The following B3GNT6 variants were observed in gnomAD, a reference collection of about 807,000 sequenced individuals.
The protein encoded by B3GNT6 is acetylgalactosaminyl-O-glycosyl-glycoprotein beta-1,3-N-acetylglucosaminyltransferase.
For missense variants in B3GNT6, 624 were observed against 568.6 expected, an observed-to-expected ratio of 1.10 and a Z score of -0.99; for synonymous variants, 300 against 270.0, an observed-to-expected ratio of 1.11 and a Z score of -1.09.
In B3GNT6 at chr11:77,036,068, A is replaced by T. The variant is rs568653563; in HGVS notation, c.-1+1590A>T. ...AAATGAGGATATTGAAACCTAGGAG[A>T]TTAACTCAGGAAAGAAGCTGGGGCT... On this transcript the variant is annotated intron_variant, in intron 1 of 1. Transcript: ENST00000622824. Among the ~76,000 whole-genome samples the T allele has an allele frequency of 2.0e-5, 3 of 152,320 alleles. No individual in the cohort carries two copies. In the East Asian group the frequency reaches 5.8e-4, roughly 29 times the overall value.
rs782251537 is a variant in B3GNT6 at position 77,040,542 on chromosome 11, C to T, written c.991C>T (p.Pro331Ser). The change falls in exon 2 of 2, where the codon CCC becomes TCC. Residue 331 changes from proline (P) to serine (S), a missense_variant. Pro to Ser is a moderately conservative substitution (Grantham distance 74, BLOSUM62 -1). Transcript: ENST00000622824. ...LAPSGHEGIR[P>S]FGVQLPGAQQ... Reference sequence around the variant, plus strand: ...GCCCAGCGGCCACGAGGGCATCCGACCCTTCGGCGTGCAGCTGCCTGGCGC... The same window carrying T: ...GCCCAGCGGCCACGAGGGCATCCGATCCTTCGGCGTGCAGCTGCCTGGCGC... The T allele has an allele frequency of 5.7e-6, 9 of 1,574,912 alleles. No homozygotes were observed. The highest frequency in any genetic ancestry group is 7.7e-6 in the Non-Finnish European group (9 of 1,168,006).
Position 77,040,687 on chromosome 11 carries a change from G to C in B3GNT6, c.1136G>C (p.Arg379Pro), listed in dbSNP as rs782053075. Residue 379 changes from arginine (R) to proline (P), a missense_variant, in exon 2 of 2, where the codon CGG (arginine) becomes CCG (proline). By Grantham distance (103) the Arg-to-Pro change is moderately radical (BLOSUM62 -2). Coordinates refer to ENST00000622824, the MANE Select transcript of B3GNT6 (RefSeq NM_138706.5). ...ALHSPALSCD[R>P]GHRVS Reference sequence around the variant, plus strand: ...CACAGCCCCGCGCTCAGCTGTGACCGGGGACACCGGGTCTCCTGAGGCCAG... The same window carrying C: ...CACAGCCCCGCGCTCAGCTGTGACCCGGGACACCGGGTCTCCTGAGGCCAG... 6.3e-7 allele frequency: 1 copy of C among 1,581,446 alleles called. No individual in the cohort carries two copies. The highest frequency in any genetic ancestry group is 1.7e-4 in the Middle Eastern group (1 of 5,756).
chr11:77,040,565 C>T lies in B3GNT6; in HGVS notation c.1014C>T (p.Gly338=), dbSNP rs782156666. The T allele has an allele frequency of 2.1e-5, 33 of 1,586,458 alleles. No homozygotes were observed. Among genetic ancestry groups the T allele is most frequent in the African/African-American group, 1.7e-4 (13 of 74,528 alleles). Residue 338 remains glycine, a synonymous_variant, in exon 2 of 2, where the codon GGC becomes GGT. Transcript: ENST00000622824. ...GIRPFGVQLP[G]AQQSSFDPCM... ...GACCCTTCGGCGTGCAGCTGCCTGG[C>T]GCACAGCAGTCCTCCTTCGACCCCT... is the stretch of plus-strand genomic sequence containing the variant.
Position 77,040,621 on chromosome 11 carries a change from G to A in B3GNT6, c.1070G>A (p.Arg357His), listed in dbSNP as rs782469643. ...CMYRELLLVH[R>H]FAPYEMLLMW... is the part of the protein sequence containing the mutation. ...TACCGCGAGTTGCTGCTAGTGCACC[G>A]CTTCGCGCCCTACGAGATGCTGCTC... is the stretch of plus-strand genomic sequence containing the variant. Residue 357 changes from arginine (R) to histidine (H), a missense_variant, in exon 2 of 2, where the codon CGC becomes CAC. By Grantham distance (29) the Arg-to-His change is conservative. Coordinates refer to ENST00000622824, the MANE Select transcript of B3GNT6 (RefSeq NM_138706.5). The A allele has an allele frequency of 7.5e-6, 12 of 1,598,918 alleles. No homozygotes were observed. The highest frequency in any genetic ancestry group is 2.2e-5 in the South Asian group (2 of 90,306).
chr11:77,039,468 G>C (rs1315243944), intron 1 of B3GNT6, 84 bp from the exon 2 acceptor site: 1 of 1,502,480 alleles, frequency 6.7e-7, no homozygotes, highest in Admixed American at 2.3e-5. Flanking sequence ...CTGGGTTCTG[G>C]GAGAGAAGTG....
At position 77,040,516 on chromosome 11, in the gene B3GNT6, C is replaced by T. The variant is rs1555027804; in HGVS notation, c.965C>T (p.Ala322Val). Residue 322 changes from alanine (A) to valine (V), a missense_variant, in exon 2 of 2, where the codon GCG becomes GTG. Transcript: ENST00000622824. ...ATGTGTCTGGAGCGCGCCGGCCTGG[C>T]GCCCAGCGGCCACGAGGGCATCCGA... is the stretch of plus-strand genomic sequence containing the variant. ...MGMCLERAGL[A>V]PSGHEGIRPF... The T allele has an allele frequency of 6.4e-7, 1 of 1,553,170 alleles. No homozygotes were observed. The highest frequency in any genetic ancestry group is 8.6e-7 in the Non-Finnish European group (1 of 1,156,286).
In B3GNT6 at chr11:77,039,871, C is replaced by G; in HGVS notation, c.320C>G (p.Ala107Gly). 1 of 1,589,522 alleles carries G rather than the reference C, an allele frequency of 6.3e-7. No homozygotes were observed. Among genetic ancestry groups the G allele is most frequent in the African/African-American group, 1.3e-5 (1 of 74,516 alleles). ...HCRHFPLLWD[A>G]PAKCAGGRGV... is the part of the protein sequence containing the mutation. The stretch of plus-strand genomic sequence containing the variant: ...CGCCACTTCCCGCTGCTTTGGGACG[C>G]ACCGGCCAAGTGCGCCGGCGGCCGA... Residue 107 changes from alanine (A) to glycine (G), a missense_variant, in exon 2 of 2, where the codon GCA (alanine) becomes GGA (glycine). By Grantham distance (60) the Ala-to-Gly change is moderately conservative. Transcript: ENST00000622824.
Position 77,040,314 on chromosome 11 carries a change from G to T in B3GNT6, c.763G>T (p.Val255Leu), listed in dbSNP as rs782312563. 7 of 1,576,004 alleles carry T rather than the reference G, an allele frequency of 4.4e-6. No homozygotes were observed. The highest frequency in any genetic ancestry group is 1.7e-4 in the Middle Eastern group (1 of 6,054). The change falls in exon 2 of 2, where the codon GTG becomes TTG. Residue 255 changes from valine to leucine, a missense_variant. Coordinates refer to ENST00000622824, the MANE Select transcript of B3GNT6 (RefSeq NM_138706.5). ...CTCCGGCCAGCTCATGGAGGGCTCC[G>T]TGCCCATCCGCGACAGCTGGAGCAA... ...LFSGQLMEGS[V>L]PIRDSWSKYF...
Position 77,040,508 on chromosome 11 carries a change from C to G in B3GNT6, c.957C>G (p.Ala319=). The G allele has an allele frequency of 3.9e-6, 6 of 1,548,512 alleles. No homozygotes were observed. The South Asian group carries it at 5.9e-5, about 15-fold the overall frequency. Reference sequence around the variant, plus strand: ...ACATGGGCATGTGTCTGGAGCGCGCCGGCCTGGCGCCCAGCGGCCACGAGG... The same window carrying G: ...ACATGGGCATGTGTCTGGAGCGCGCGGGCCTGGCGCCCAGCGGCCACGAGG... ...DAYMGMCLER[A]GLAPSGHEGI... The change falls in exon 2 of 2, where the codon GCC becomes GCG. Residue 319 remains alanine, a synonymous_variant. Coordinates refer to ENST00000622824, the MANE Select transcript of B3GNT6 (RefSeq NM_138706.5).
At position 77,034,643 on chromosome 11, in the gene B3GNT6, C is replaced by T. The variant is rs1555026743; in HGVS notation, c.-1+165C>T. ...CACAGGTCCAGTGCAGACCCCAGGG[C>T]TCAGGGATTCATGCTGGGGGTTGGG... On this transcript the variant is annotated intron_variant, in intron 1 of 1. Transcript: ENST00000622824. Among the ~76,000 whole-genome samples, 3 of 152,182 alleles carry T rather than the reference C, an allele frequency of 2.0e-5. No individual in the cohort carries two copies. In the East Asian group the frequency reaches 5.8e-4, roughly 29 times the overall value.
chr11:77,039,460 G>A, intron 1 of B3GNT6, 92 bp from the exon 2 acceptor site: 1 of 1,499,670 alleles, frequency 6.7e-7, no homozygotes, highest in Non-Finnish European at 8.9e-7. Context: ...GGCTGGAGCT[G>A]GGTTCTGGGA....
Position 77,040,986 on chromosome 11 carries a change from T to A in B3GNT6, c.*280T>A. On this transcript the variant is annotated 3_prime_UTR_variant, in exon 2 of 2. Transcript: ENST00000622824. ...CAGCTAGGCCTGAGGACCACTCGGC[T>A]AGACTATCTCTTCATCCTCGCAAAG... The A allele has an allele frequency of 4.8e-6, 2 of 419,586 alleles. No individual in the cohort carries two copies. The highest frequency in any genetic ancestry group is 8.2e-6 in the Non-Finnish European group (2 of 244,680). 26.0% of individuals were successfully genotyped at this position (419,586 alleles called of 1,614,324 possible).
At position 77,039,682 on chromosome 11, in the gene B3GNT6, A is replaced by G. The variant is rs367808467; in HGVS notation, c.131A>G (p.Gln44Arg). The change falls in exon 2 of 2, where the codon CAG (glutamine) becomes CGG (arginine). Residue 44 changes from glutamine to arginine, a missense_variant. Transcript: ENST00000622824. The stretch of plus-strand genomic sequence containing the variant: ...TCCCCGCGGGAGGAGAGGTCCCCGC[A>G]GGAGGAGACGCCAGAGGGTCCCACC... ...PRSPREERSP[Q>R]EETPEGPTDA... 1.1e-5 allele frequency: 17 copies of G among 1,612,176 alleles called. No homozygotes were observed. The Admixed American group carries it at 2.8e-4, about 27-fold the overall frequency.
At position 77,041,846 on chromosome 11, in the gene B3GNT6, A is replaced by C. The variant is rs1219551504; in HGVS notation, c.*1140A>C. 6.6e-6 allele frequency: 1 copy of C among 151,240 alleles called. No homozygotes were observed. Among genetic ancestry groups the C allele is most frequent in the African/African-American group, 2.4e-5 (1 of 40,844 alleles). 9.4% of individuals were successfully genotyped at this position (151,240 alleles called of 1,614,324 possible). A position where few individuals can be genotyped will look rare whatever the true frequency, so the allele number is the denominator to read the frequency against. Reference sequence around the variant, plus strand: ...GTGGCTCGTGCCTGTAATCTCAGCTATTTGGGAGGCTGAGGCAGGAGAATC... The same window carrying C: ...GTGGCTCGTGCCTGTAATCTCAGCTCTTTGGGAGGCTGAGGCAGGAGAATC... On this transcript the variant is annotated 3_prime_UTR_variant, in exon 2 of 2. Transcript: ENST00000622824.
At position 77,040,458 on chromosome 11, in the gene B3GNT6, C is replaced by T. The variant is rs1158826585; in HGVS notation, c.907C>T (p.Pro303Ser). The T allele has an allele frequency of 2.0e-6, 3 of 1,536,010 alleles. No homozygotes were observed. The highest frequency in any genetic ancestry group is 2.6e-6 in the Non-Finnish European group (3 of 1,146,360). The change falls in exon 2 of 2, where the codon CCG (proline) becomes TCG (serine). Residue 303 changes from proline to serine, a missense_variant. Physicochemically the swap from Pro to Ser is moderately conservative, Grantham distance 74 (BLOSUM62 -1). Coordinates refer to ENST00000622824, the MANE Select transcript of B3GNT6 (RefSeq NM_138706.5). The part of the protein sequence containing the change: ...RALRAAARHT[P>S]LFPIDDAYMG... ...CCTGCGCGCGGCCGCCCGCCACACCCCGCTCTTCCCCATCGACGACGCCTA... is the reference window on the plus strand; with the variant it reads ...CCTGCGCGCGGCCGCCCGCCACACCTCGCTCTTCCCCATCGACGACGCCTA...
At position 77,038,817 on chromosome 11, in the gene B3GNT6, G is replaced by A. The variant is rs149818450; in HGVS notation, c.1-735G>A. 3.0e-3 allele frequency among the ~76,000 whole-genome samples: 459 copies of A among 152,132 alleles called. 1 individual carries two copies. The highest frequency in any genetic ancestry group is 4.7e-3 in the Non-Finnish European group (321 of 68,016). The stretch of plus-strand genomic sequence containing the variant: ...AGGAGGCAGAGCTAGAGGATGCCGT[G>A]GAGATCATCTCACCCATAAGGTCAT... On this transcript the variant is annotated intron_variant, in intron 1 of 1. Transcript: ENST00000622824.
Position 77,040,610 on chromosome 11 carries a change from G to T in B3GNT6, c.1059G>T (p.Leu353=). ...SFDPCMYREL[L]LVHRFAPYEM... ...ACCCCTGCATGTACCGCGAGTTGCT[G>T]CTAGTGCACCGCTTCGCGCCCTACG... The change falls in exon 2 of 2, where the codon CTG becomes CTT. Residue 353 remains leucine (L), a synonymous_variant. Coordinates refer to ENST00000622824, the MANE Select transcript of B3GNT6 (RefSeq NM_138706.5). 1 of 1,597,804 alleles carries T rather than the reference G, an allele frequency of 6.3e-7. No homozygotes were observed. The highest frequency in any genetic ancestry group is 8.5e-7 in the Non-Finnish European group (1 of 1,178,412).
chr11:77,038,067 ATGAGGGGGAGGGG>A (rs1949650192), intron 1 of B3GNT6, among the ~76,000 whole-genome samples: 1 of 640 alleles, frequency 1.6e-3, no homozygotes, highest in Non-Finnish European at 4.1e-3. Flanking sequence ...GTGGGAGGGG[ATGAGGGGGAGGGG>A]ATGAGGGGGA....
At chr11:77,039,494 T>C in intron 1 of B3GNT6, 58 bp from the exon 2 acceptor site, 2 of 1,521,532 alleles carry the variant, frequency 1.3e-6, no homozygotes, top group Non-Finnish European at 1.8e-6. Flanking sequence ...GTACGGGTGG[T>C]GTCCTGCCGG....
Sources: gnomAD v4.1 joint callset for allele counts (sites outside exome capture counted in the v4.1 genomes callset) on GRCh38, gnomAD v4.1.1 for gene constraint, MANE v1.5 for transcripts, NCBI Gene and HGNC (gene_info 2026-07-23, HGNC 2026-07-21) for gene names.